The following STK24 variants were observed in gnomAD, a reference collection of about 807,000 sequenced individuals.
The protein encoded by STK24 is serine/threonine-protein kinase 24.
STK24 carries 21 observed loss-of-function variants against 55.6 expected under a neutral mutation model. The ratio of observed to expected loss-of-function variants is 0.38; its 90% CI spans 0.27 to 0.54. The LOEUF is 0.54. STK24 is among the 20% of genes least tolerant of loss of function. The probability of loss-of-function intolerance (pLI) is 0.79; values close to 1 mark genes in which losing one functional copy is unlikely to be tolerated. For missense variants in STK24, 383 were observed against 538.4 expected (o/e 0.71, Z 2.86); for synonymous variants, 200 against 215.2 (o/e 0.93, Z 0.62).
intron 1 of STK24, among the ~76,000 whole-genome samples, chr13:98,567,947 G>T (rs558594256): frequency 4.0e-5 from 6 of 149,996 alleles, no homozygotes; most frequent in South Asian, 4.2e-4. Flanking sequence ...AAAAAAAGGG[G>T]GGGGGTGGGG....
intron 1 of STK24, among the ~76,000 whole-genome samples, chr13:98,541,682 A>T (rs1896892634): frequency 6.6e-6 from 1 of 152,254 alleles, no homozygotes; most frequent in Admixed American, 6.5e-5. Context: ...TTCAAAGATA[A>T]GGAAACCAGA....
intron 1 of STK24, among the ~76,000 whole-genome samples, chr13:98,571,399 G>A (rs1377980972): frequency 6.6e-6 from 1 of 152,132 alleles, no homozygotes. Context: ...TAACTGCTCA[G>A]CACAGTTAGC....
chr13:98,490,415 T>A (rs900168569), intron 2 of STK24, among the ~76,000 whole-genome samples: 2 of 152,146 alleles, frequency 1.3e-5, no homozygotes, highest in Non-Finnish European at 2.9e-5. Flanking sequence ...CTATCACTTA[T>A]TATCTTTAGT....
intron 1 of STK24, among the ~76,000 whole-genome samples, chr13:98,557,659 T>G (rs1309074307): frequency 1.3e-5 from 2 of 152,190 alleles, no homozygotes; most frequent in African/African-American, 4.8e-5. Context: ...AATTCAAATT[T>G]CCCAGAAATG....
intron 1 of STK24, among the ~76,000 whole-genome samples, chr13:98,548,323 G>C (rs1183190022): frequency 2.0e-5 from 3 of 152,098 alleles, no homozygotes; most frequent in Non-Finnish European, 4.4e-5. Context: ...TTCCCATTAT[G>C]GTGTGACCTG....
At chr13:98,518,561 A>C (rs529282943) in intron 2 of STK24, among the ~76,000 whole-genome samples, 1 of 152,374 alleles carries the variant, frequency 6.6e-6, no homozygotes, top group East Asian at 1.9e-4. Context: ...GAGGAACTTG[A>C]AACACAAGAA....
chr13:98,493,906 G>A (rs1027815154), intron 2 of STK24, among the ~76,000 whole-genome samples: 11 of 149,406 alleles, frequency 7.4e-5, no homozygotes, highest in African/African-American at 2.2e-4. Flanking sequence ...GCAGTGGTGC[G>A]ATCTTGGCTC....
intron 2 of STK24, among the ~76,000 whole-genome samples, chr13:98,511,334 A>C (rs1429795723): frequency 6.6e-6 from 1 of 152,266 alleles, no homozygotes; most frequent in Non-Finnish European, 1.5e-5. Flanking sequence ...CTAAAATGGC[A>C]AACATGAAAA....
chr13:98,519,489 A>G lies in STK24; in HGVS notation c.43-16T>C. On this transcript the variant is annotated splice_polypyrimidine_tract_variant and intron_variant, in intron 1 of 10. Transcript: ENST00000539966. ...CCTTTAGGTTCTGTAGAGAGAAGGA[A>G]GAGAAAAGGGAAACTTTAGTCCCTC... 1 of 1,607,864 alleles carries G rather than the reference A, an allele frequency of 6.2e-7. No homozygotes were observed. Among genetic ancestry groups the G allele is most frequent in the Non-Finnish European group, 8.5e-7 (1 of 1,175,274 alleles).
intron 1 of STK24, among the ~76,000 whole-genome samples, chr13:98,572,183 G>A (rs758814107): frequency 2.1e-4 from 32 of 152,294 alleles, no homozygotes; most frequent in Middle Eastern, 6.8e-3. Flanking sequence ...ACCTCTTGAG[G>A]ACAGGATGGA....
chr13:98,476,240 G>GCCCCCCCCCC (rs138129188), intron 3 of STK24, among the ~76,000 whole-genome samples: 9 of 141,596 alleles, frequency 6.4e-5, no homozygotes, highest in East Asian at 4.1e-4. Flanking sequence ...CAGACGGGAA[G>GCCCCCCCCCC]CCCCCCCCCG....
In STK24 at chr13:98,448,307, T is replaced by G. The variant is rs767317332; in HGVS notation, c.*4866A>C. 1.9e-6 allele frequency: 3 copies of G among 1,613,186 alleles called. No homozygotes were observed. In the South Asian group the frequency reaches 3.3e-5, roughly 18 times the overall value. ...CACGTGTTGAGTCACAAAGAGTCTC[T>G]TGTGTATTGATGGCCGGACACACTC... On this transcript the variant is annotated 3_prime_UTR_variant, in exon 11 of 11. Coordinates refer to ENST00000539966, the MANE Select transcript of STK24 (RefSeq NM_001032296.4).
At chr13:98,476,360 T>C (rs9556960) in intron 3 of STK24, among the ~76,000 whole-genome samples, 129,223 of 151,924 alleles carry the variant, frequency 0.85, 55,423 homozygotes, top group Non-Finnish European at 0.91. Context: ...AGAGGGCAGA[T>C]GTCTAATCGA....
intron 3 of STK24, among the ~76,000 whole-genome samples, chr13:98,476,905 C>G (rs987647163): frequency 1.3e-5 from 2 of 152,238 alleles, no homozygotes; most frequent in African/African-American, 4.8e-5. Flanking sequence ...CCACCCCTGG[C>G]CTTCTCCACC....
chr13:98,463,902 C>A, intron 6 of STK24, 66 bp from the exon 7 acceptor site: 7 of 1,558,876 alleles, frequency 4.5e-6, no homozygotes, highest in Non-Finnish European at 6.1e-6. Context: ...AAAGGACAGA[C>A]TTCTGCCTCA....
At chr13:98,491,543 C>T (rs1194206150) in intron 2 of STK24, among the ~76,000 whole-genome samples, 1 of 152,104 alleles carries the variant, frequency 6.6e-6, no homozygotes, top group Non-Finnish European at 1.5e-5. Flanking sequence ...TACTGGATCA[C>T]ATCCTCACAT....
intron 8 of STK24, 70 bp from the exon 9 acceptor site, chr13:98,460,510 TC>T: frequency 7.7e-7 from 1 of 1,297,664 alleles, no homozygotes; most frequent in Non-Finnish European, 1.1e-6. Context: ...TTAATAAACC[TC>T]CCACCTGGAC....
chr13:98,486,444 C>T (rs1308340311), intron 2 of STK24, among the ~76,000 whole-genome samples: 2 of 152,152 alleles, frequency 1.3e-5, no homozygotes, highest in South Asian at 2.1e-4. Flanking sequence ...GGTGAACACA[C>T]GGATAAGCTT....
At chr13:98,552,935 G>A (rs891952518) in intron 1 of STK24, among the ~76,000 whole-genome samples, 2 of 152,112 alleles carry the variant, frequency 1.3e-5, no homozygotes, top group African/African-American at 4.8e-5. Context: ...ACACCACCAA[G>A]AGTGAGCTCC....
Sources: allele counts gnomAD v4.1 joint callset (sites outside exome capture counted in the v4.1 genomes callset), GRCh38; gene constraint gnomAD v4.1.1; transcripts MANE v1.5; gene names NCBI Gene and HGNC (gene_info 2026-07-23, HGNC 2026-07-21).